The following GALK2 variants were observed in gnomAD, a reference collection of about 807,000 sequenced individuals.
GALK2 encodes N-acetylgalactosamine kinase.
GALK2 carries 36 observed loss-of-function variants against 52.4 expected under a neutral mutation model. The ratio of observed to expected loss-of-function variants is 0.69; its 90% CI spans 0.53 to 0.91. GALK2 has a LOEUF of 0.91. Among genes scored for constraint, GALK2 ranks in the 40% least tolerant of loss-of-function variants. The pLI is 0.00. For synonymous variants in GALK2, 176 were observed against 199.1 expected, an observed-to-expected ratio of 0.88 and a Z score of 0.98; for missense variants, 579 against 559.1, an observed-to-expected ratio of 1.04 and a Z score of -0.36.
intron 8 of GALK2, among the ~76,000 whole-genome samples, chr15:49,304,783 C>G (rs1256414913): frequency 6.6e-6 from 1 of 152,174 alleles, no homozygotes; most frequent in African/African-American, 2.4e-5. Context: ...ACATTTTTTC[C>G]AAACATCTGG....
chr15:49,357,411 C>T (rs1171976847), intron 3 of GALK2, among the ~76,000 whole-genome samples: 17 of 149,926 alleles, frequency 1.1e-4, no homozygotes, highest in East Asian at 9.8e-4. Context: ...ATATCACCAC[C>T]GATCCCACAG....
chr15:49,171,294 C>G (rs955969026), intron 1 of GALK2, among the ~76,000 whole-genome samples: 4 of 152,094 alleles, frequency 2.6e-5, no homozygotes, highest in African/African-American at 7.2e-5. Context: ...GTTGGTCAGG[C>G]TGGTCTCGAG....
intron 7 of GALK2, among the ~76,000 whole-genome samples, chr15:49,289,017 C>T (rs918329514): frequency 3.3e-5 from 5 of 152,304 alleles, no homozygotes; most frequent in Admixed American, 3.3e-4. Flanking sequence ...TTGACTACCT[C>T]CTGACCTCAG....
chr15:49,325,451 TA>T (rs958816087), intron 9 of GALK2, among the ~76,000 whole-genome samples: 15 of 152,372 alleles, frequency 9.8e-5, no homozygotes, highest in African/African-American at 3.6e-4. Flanking sequence ...AAAAGTTCAC[TA>T]AACACCCTTG....
chr15:49,354,143 T>A (rs1444461797), intron 3 of GALK2: 2 of 152,252 alleles, frequency 1.3e-5, no homozygotes, highest in African/African-American at 2.4e-5. Flanking sequence ...TATGCTAGGA[T>A]AAATGCTGAT....
intron 1 of GALK2, among the ~76,000 whole-genome samples, chr15:49,157,399 G>A (rs1271109786): frequency 6.6e-6 from 1 of 152,086 alleles, no homozygotes; most frequent in Non-Finnish European, 1.5e-5. Flanking sequence ...CTACCCCAGG[G>A]AATAAGAAGT....
chr15:49,214,180 G>C (rs1346979679), intron 2 of GALK2, among the ~76,000 whole-genome samples: 1 of 151,814 alleles, frequency 6.6e-6, no homozygotes, highest in African/African-American at 2.4e-5. Context: ...TTTGTTTTGT[G>C]GTTACTGTGA....
chr15:49,348,209 G>A (rs2041801195), intron 3 of GALK2, among the ~76,000 whole-genome samples: 1 of 152,088 alleles, frequency 6.6e-6, no homozygotes, highest in South Asian at 2.1e-4. Context: ...ACAGCTCCAA[G>A]GGTTGCTTTG....
At chr15:49,200,773 C>T (rs2087680879) in intron 1 of GALK2, among the ~76,000 whole-genome samples, 4 of 152,242 alleles carry the variant, frequency 2.6e-5, no homozygotes, top group African/African-American at 9.6e-5. Flanking sequence ...CCTTAGGAAA[C>T]CAAATATACT....
intron 8 of GALK2, among the ~76,000 whole-genome samples, chr15:49,315,885 G>A (rs1055212232): frequency 6.6e-6 from 1 of 152,024 alleles, no homozygotes; most frequent in Non-Finnish European, 1.5e-5. Flanking sequence ...CCAGTCCTGG[G>A]TTTAATAGAA....
intron 3 of GALK2, among the ~76,000 whole-genome samples, chr15:49,221,831 A>T (rs1338553848): frequency 6.6e-6 from 1 of 152,094 alleles, no homozygotes; most frequent in African/African-American, 2.4e-5. Flanking sequence ...TTGAGGTCAG[A>T]TAGCGTGACC....
In GALK2 at chr15:49,208,299, C is replaced by G. The variant is rs553404934; in HGVS notation, c.142+7049C>G. Among the ~76,000 whole-genome samples, 133 of 152,302 alleles carry G rather than the reference C, an allele frequency of 8.7e-4. 1 individual carries two copies. The highest frequency in any genetic ancestry group is 3.0e-3 in the African/African-American group (124 of 41,562). ...TGATGTAGGTGTTTAGGGCTATGAA[C>G]TTTCCTCTTAGCACTGCCTTAGCTG... On this transcript the variant is annotated intron_variant, in intron 2 of 9. Transcript: ENST00000560031.
intron 5 of GALK2, among the ~76,000 whole-genome samples, chr15:49,266,730 G>A (rs2092375292): frequency 6.6e-6 from 1 of 152,206 alleles, no homozygotes; most frequent in African/African-American, 2.4e-5. Context: ...TATGAATGGT[G>A]ATAAAGCATT....
In GALK2 at chr15:49,235,873, A is replaced by G. The variant is rs150063259; in HGVS notation, c.289A>G (p.Asn97Asp). ...CAGGGACTTCAGTACTAGTGCTAAT[A>G]ACATCCAGATTGATAAAACCAAGCC... ...LYPDFSTSAN[N>D]IQIDKTKPLW... The change falls in exon 4 of 10, where the codon AAC becomes GAC. Residue 97 changes from asparagine to aspartate, a missense_variant. Asn to Asp is a conservative substitution (Grantham distance 23). Transcript: ENST00000560031. The G allele has an allele frequency of 7.0e-5, 113 of 1,613,080 alleles. No homozygotes were observed. Among genetic ancestry groups the G allele is most frequent in the Middle Eastern group, 1.7e-4 (1 of 6,060 alleles).
At chr15:49,290,273 T>C (rs1343602804) in intron 7 of GALK2, among the ~76,000 whole-genome samples, 1 of 152,210 alleles carries the variant, frequency 6.6e-6, no homozygotes, top group African/African-American at 2.4e-5. Flanking sequence ...ACTCCCTCAA[T>C]GTAGTGTAAT....
At chr15:49,354,932 C>G (rs1350638423) in intron 3 of GALK2, among the ~76,000 whole-genome samples, 1 of 151,986 alleles carries the variant, frequency 6.6e-6, no homozygotes, top group Non-Finnish European at 1.5e-5. Flanking sequence ...GTCCCTGACC[C>G]CTGACCCTCG....
chr15:49,361,479 A>G (rs2151407051), intron 3 of GALK2, among the ~76,000 whole-genome samples: 1 of 152,210 alleles, frequency 6.6e-6, no homozygotes. Context: ...GCTCCTACTT[A>G]TTAGTGAGAA....
chr15:49,189,385 T>C (rs1475729954), intron 1 of GALK2, among the ~76,000 whole-genome samples: 3 of 152,210 alleles, frequency 2.0e-5, no homozygotes, highest in African/African-American at 7.2e-5. Context: ...TAATGTTCTT[T>C]ATAGCAAAAT....
intron 2 of GALK2, among the ~76,000 whole-genome samples, chr15:49,215,542 G>A (rs2089300838): frequency 6.6e-6 from 1 of 152,192 alleles, no homozygotes; most frequent in Non-Finnish European, 1.5e-5. Context: ...GAGTTTGCCA[G>A]TTGAATTTTT....
Sources: allele counts gnomAD v4.1 joint callset (sites outside exome capture counted in the v4.1 genomes callset), GRCh38; gene constraint gnomAD v4.1.1; transcripts MANE v1.5; gene names NCBI Gene and HGNC (gene_info 2026-07-23, HGNC 2026-07-21).